Variants in FAT3 observed in about 807,000 individuals in gnomAD.
FAT3 encodes protocadherin Fat 3.
Under a neutral mutation model 310.2 loss-of-function variants are expected in FAT3, and 95 were observed. That is an observed-to-expected ratio of 0.31 (90% CI 0.26 to 0.36). The LOEUF is 0.36. Ranked by LOEUF, FAT3 falls within the 10% of genes least tolerant of loss-of-function variation. FAT3 has a pLI of 1.00. For synonymous variants in FAT3, 2,314 were observed against 2,192.9 expected, an observed-to-expected ratio of 1.06 and a Z score of -1.54; for missense variants, 5,408 against 5,715.6, an observed-to-expected ratio of 0.95 and a Z score of 1.74.
intron 3 of FAT3, among the ~76,000 whole-genome samples, chr11:92,692,429 G>A (rs926896979): frequency 2.6e-5 from 4 of 152,276 alleles, no homozygotes; most frequent in African/African-American, 9.6e-5. Flanking sequence ...AAGACTGACT[G>A]TTTGGAAAAT....
At chr11:92,638,502 T>G (rs1381027375) in intron 3 of FAT3, among the ~76,000 whole-genome samples, 1 of 152,242 alleles carries the variant, frequency 6.6e-6, no homozygotes, top group Non-Finnish European at 1.5e-5. Flanking sequence ...TTTGGACTTT[T>G]GGAGCCCAGA....
At chr11:92,494,200 G>A (rs764904760) in intron 2 of FAT3, among the ~76,000 whole-genome samples, 1 of 151,928 alleles carries the variant, frequency 6.6e-6, no homozygotes, top group African/African-American at 2.4e-5. Context: ...ACAACATGGA[G>A]GAAACTGCCC....
chr11:92,306,933 G>C (rs1011527836), intron 1 of FAT3, among the ~76,000 whole-genome samples: 2 of 149,696 alleles, frequency 1.3e-5, no homozygotes, highest in Non-Finnish European at 3.0e-5. Context: ...TGGGACTACA[G>C]ACCTGTGCCA....
intron 1 of FAT3, among the ~76,000 whole-genome samples, chr11:92,262,680 T>C (rs1009508927): frequency 2.0e-5 from 3 of 152,158 alleles, no homozygotes; most frequent in Admixed American, 2.0e-4. Flanking sequence ...TTTATTTTGA[T>C]AATTATTTGA....
intron 19 of FAT3, among the ~76,000 whole-genome samples, chr11:92,851,359 G>A (rs2136308046): frequency 6.6e-6 from 1 of 152,174 alleles, no homozygotes; most frequent in African/African-American, 2.4e-5. Context: ...ACATACACTA[G>A]CCCATTTCAT....
At chr11:92,403,827 G>T (rs1009880849) in intron 2 of FAT3, among the ~76,000 whole-genome samples, 2 of 152,154 alleles carry the variant, frequency 1.3e-5, no homozygotes, top group African/African-American at 4.8e-5. Context: ...ACGAGGTCAG[G>T]AGATGGAGAC....
At chr11:92,446,076 A>G (rs1951201271) in intron 2 of FAT3, among the ~76,000 whole-genome samples, 1 of 152,200 alleles carries the variant, frequency 6.6e-6, no homozygotes, top group Non-Finnish European at 1.5e-5. Flanking sequence ...GTGCAGTCAA[A>G]TATATATGCA....
chr11:92,889,014 G>A (rs1402686619), intron 25 of FAT3, among the ~76,000 whole-genome samples, 175 bp from the exon 26 acceptor site: 2 of 152,164 alleles, frequency 1.3e-5, no homozygotes, highest in African/African-American at 4.8e-5. Context: ...GGACCCTCTA[G>A]ATAAAGGTGT....
chr11:92,718,555 CTTG>C, intron 4 of FAT3, among the ~76,000 whole-genome samples: 1 of 152,098 alleles, frequency 6.6e-6, no homozygotes, highest in African/African-American at 2.4e-5. Flanking sequence ...TGGCATCAAT[CTTG>C]TTATTACTCT....
rs1949717395 is a variant in FAT3, at chr11:92,883,251, G to A, written c.12795G>A (p.Thr4265=). 2.5e-6 allele frequency: 4 copies of A among 1,612,900 alleles called. No individual in the cohort carries two copies. The highest frequency in any genetic ancestry group is 3.4e-6 in the Non-Finnish European group (4 of 1,179,840). ...GAGGCGAGCACCAGGAAATGACCACGTTTCACCCTGAGTCGCCCCGCATCC... is the reference window on the plus strand; with the variant it reads ...GAGGCGAGCACCAGGAAATGACCACATTTCACCCTGAGTCGCCCCGCATCC... ...GLGGEHQEMT[T]FHPESPRILT... The change falls in exon 24 of 28, where the codon ACG becomes ACA. Residue 4265 remains threonine (T), a synonymous_variant. Coordinates refer to ENST00000525166, the MANE Select transcript of FAT3 (RefSeq NM_001367949.2). This position sits in a 1 kb window ranked among gnomAD's most constrained non-coding sequence, Gnocchi z 4.2.
At chr11:92,790,376 A>T (rs78795276) in intron 8 of FAT3, among the ~76,000 whole-genome samples, 158 bp downstream of exon 8, 1 of 152,190 alleles carries the variant, frequency 6.6e-6, no homozygotes, top group Admixed American at 6.5e-5. Context: ...TTTTATTTCA[A>T]TGAAGAATTA....
chr11:92,584,597 A>G lies in FAT3; in HGVS notation c.3607+59649A>G, dbSNP rs149080900. Among the ~76,000 whole-genome samples, 779 of 150,828 alleles carry G rather than the reference A, an allele frequency of 5.2e-3. 9 individuals are homozygous for G. The highest frequency in any genetic ancestry group is 0.018 in the African/African-American group (738 of 40,972). On this transcript the variant is annotated intron_variant, in intron 3 of 27. Transcript: ENST00000525166. ...GCCATATTAGTACCATCTATTTTTG[A>G]AACAGGTATGTCCAGGAATATAAAA...
chr11:92,590,395 C>A (rs1315981811), intron 3 of FAT3, among the ~76,000 whole-genome samples: 2 of 152,044 alleles, frequency 1.3e-5, no homozygotes, highest in African/African-American at 4.8e-5. Context: ...AAAACAGCAC[C>A]TGGCTGTGTT....
At chr11:92,687,527 G>T (rs1943666373) in intron 3 of FAT3, among the ~76,000 whole-genome samples, 1 of 152,190 alleles carries the variant, frequency 6.6e-6, no homozygotes, top group South Asian at 2.1e-4. Context: ...TCCTTCTTAG[G>T]GACACTCAAA....
chr11:92,779,117 A>C lies in FAT3; in HGVS notation c.4335+4937A>C, dbSNP rs571632933. ...GCTTGGAAAAGAGTTGAGGAATCAC[A>C]AGGAGCATTGGCTGTTATGAGCAAG... is the stretch of plus-strand genomic sequence containing the variant. On this transcript the variant is annotated intron_variant, in intron 7 of 27. Transcript: ENST00000525166. 5.9e-5 allele frequency among the ~76,000 whole-genome samples: 9 copies of C among 152,234 alleles called. No homozygotes were observed. In the East Asian group the frequency reaches 1.7e-3, roughly 29 times the overall value.
chr11:92,257,469 C>A (rs16917245), intron 1 of FAT3, among the ~76,000 whole-genome samples: 7,798 of 151,954 alleles, frequency 0.051, 271 homozygotes, highest in African/African-American at 0.092. Context: ...TCTCTTGGGT[C>A]GGACATAATT....
Position 92,354,487 on chromosome 11 carries a change from A to C in FAT3, c.2375A>C (p.Glu792Ala), listed in dbSNP as rs755372846. ...AAAGTCCTTATGCCCATGGATCGAG[A>C]ACACACAGACCTCTATCTCCTTAAT... Reference protein sequence around the residue: ...QLKVLMPMDREHTDLYLLNIT... With the variant: ...QLKVLMPMDRAHTDLYLLNIT... Residue 792 changes from glutamate to alanine, a missense_variant, in exon 2 of 28, where the codon GAA (glutamate) becomes GCA (alanine). Physicochemically the swap from Glu to Ala is moderately radical, Grantham distance 107. Transcript: ENST00000525166. 6.2e-7 allele frequency: 1 copy of C among 1,613,878 alleles called. No individual in the cohort carries two copies. The highest frequency in any genetic ancestry group is 1.1e-5 in the South Asian group (1 of 91,076).
Position 92,834,935 on chromosome 11 carries a change from G to A in FAT3, c.9937G>A (p.Ala3313Thr), listed in dbSNP as rs1948362200. 1 of 1,612,944 alleles carries A rather than the reference G, an allele frequency of 6.2e-7. No homozygotes were observed. The highest frequency in any genetic ancestry group is 8.5e-7 in the Non-Finnish European group (1 of 1,179,544). ...LCKRFYLVVE[A>T]KDGGTPALSA... ...CAAAAGGTTTTACCTGGTAGTGGAA[G>A]CCAAAGATGGGGGCACCCCAGCTCT... The change falls in exon 15 of 28, where the codon GCC (alanine) becomes ACC (threonine). Residue 3313 changes from alanine (A) to threonine (T), a missense_variant. Ala to Thr is a moderately conservative substitution (Grantham distance 58). Around this residue, in one of 5 missense-constraint regions of FAT3, gnomAD observed 4,588 missense variants for 4,809.8 expected, o/e 0.95. Coordinates refer to ENST00000525166, the MANE Select transcript of FAT3 (RefSeq NM_001367949.2).
At chr11:92,469,087 A>G (rs1951844195) in intron 2 of FAT3, among the ~76,000 whole-genome samples, 1 of 152,172 alleles carries the variant, frequency 6.6e-6, no homozygotes, top group African/African-American at 2.4e-5. Flanking sequence ...GAGGGTCATA[A>G]CTTAACGAAC....
Sources: gnomAD v4.1 joint callset for allele counts (sites outside exome capture counted in the v4.1 genomes callset) on GRCh38, gnomAD v4.1.1 for gene constraint, gnomAD v4.1.1 regional missense constraint, Gnocchi (gnomAD v3.1) non-coding constraint, MANE v1.5 for transcripts, NCBI Gene and HGNC (gene_info 2026-07-23, HGNC 2026-07-21) for gene names.